Variants in PIAS4 observed in about 807,000 individuals in gnomAD.
The protein encoded by PIAS4 is E3 SUMO-protein ligase PIAS4.
In PIAS4, 7 loss-of-function variants were observed where a neutral mutation model predicts 58.0. That is an observed-to-expected ratio of 0.12 (90% CI 0.07 to 0.23). PIAS4 has a LOEUF of 0.23. Among genes scored for constraint, PIAS4 ranks in the 10% least tolerant of loss-of-function variants. PIAS4 has a pLI of 1.00. For missense variants in PIAS4, 550 were observed against 709.5 expected (o/e 0.78, Z 2.55); for synonymous variants, 364 against 312.4 (o/e 1.17, Z -1.74).
In PIAS4 at chr19:4,028,946, C is replaced by A; in HGVS notation, c.817C>A (p.Leu273Met). The change falls in exon 7 of 11, where the codon CTG becomes ATG. Residue 273 changes from leucine (L) to methionine (M), a missense_variant. By Grantham distance (15) the Leu-to-Met change is conservative. This residue lies in a region of PIAS4 where 225 missense variants were observed against 345.8 expected (regional missense o/e 0.65). Coordinates refer to ENST00000262971, the MANE Select transcript of PIAS4 (RefSeq NM_015897.4). ...GNYGKSYSVALYLVRQLTSSE... is the reference protein window; with the variant it reads ...GNYGKSYSVAMYLVRQLTSSE... ...CTGTCCCCAGAGCTACTCGGTGGCCCTGTACCTGGTGCGGCAGCTGACCTC... is the reference window on the plus strand; with the variant it reads ...CTGTCCCCAGAGCTACTCGGTGGCCATGTACCTGGTGCGGCAGCTGACCTC... 1 of 1,612,112 alleles carries A rather than the reference C, an allele frequency of 6.2e-7. No homozygotes were observed. The highest frequency in any genetic ancestry group is 1.3e-5 in the African/African-American group (1 of 75,002).
intron 2 of PIAS4, among the ~76,000 whole-genome samples, chr19:4,015,984 GAC>G: frequency 6.6e-6 from 1 of 152,328 alleles, no homozygotes; most frequent in Middle Eastern, 3.4e-3. Context: ...CGTGTGTGGG[GAC>G]GGGGCTGGCA....
chr19:4,017,409 A>G (rs554606419), intron 2 of PIAS4, among the ~76,000 whole-genome samples: 5 of 152,086 alleles, frequency 3.3e-5, no homozygotes, highest in Non-Finnish European at 4.4e-5. Flanking sequence ...GTTTTCACTG[A>G]TGGGTAGAGT....
chr19:4,033,172 C>T lies in PIAS4; in HGVS notation c.980C>T (p.Pro327Leu). ...GGTGTGCGGGTGTCCCTCATCTGTC[C>T]GGTGAGTCGGGGCGCGGTCCCCTCC... is the stretch of plus-strand genomic sequence containing the variant. ...TTGVRVSLIC[P>L]LVKMRLSVPC... Residue 327 changes from proline (P) to leucine (L), a missense_variant and splice_region_variant, in exon 8 of 11, where the codon CCG (proline) becomes CTG (leucine). This residue lies in a region of PIAS4 where 225 missense variants were observed against 345.8 expected (regional missense o/e 0.65). Coordinates refer to ENST00000262971, the MANE Select transcript of PIAS4 (RefSeq NM_015897.4). 1 of 1,608,484 alleles carries T rather than the reference C, an allele frequency of 6.2e-7. No homozygotes were observed. The highest frequency in any genetic ancestry group is 8.5e-7 in the Non-Finnish European group (1 of 1,178,926).
intron 1 of PIAS4, 58 bp downstream of exon 1, chr19:4,007,845 C>A: frequency 4.2e-6 from 5 of 1,180,164 alleles, no homozygotes; most frequent in Non-Finnish European, 5.3e-6. Context: ...GGGGGCCGGG[C>A]CGCAGGTCGA....
chr19:4,035,750 C>T (rs2040268564), intron 9 of PIAS4, among the ~76,000 whole-genome samples: 3 of 149,672 alleles, frequency 2.0e-5, no homozygotes, highest in African/African-American at 7.5e-5. Flanking sequence ...CAGTCCACAC[C>T]ATCACACACA....
intron 2 of PIAS4, among the ~76,000 whole-genome samples, chr19:4,017,335 G>T (rs747235288): frequency 2.0e-5 from 3 of 152,122 alleles, no homozygotes; most frequent in Non-Finnish European, 4.4e-5. Context: ...CAACCTGCCC[G>T]CTGGCTGCAG....
intron 1 of PIAS4, among the ~76,000 whole-genome samples, chr19:4,011,862 TGGTGTGGAGCTGTGG>T (rs2039997482): frequency 1.1e-5 from 1 of 92,724 alleles, no homozygotes; most frequent in African/African-American, 4.0e-5. Context: ...GAGGTGTGTT[TGGTGTGGAGCTGTGG>T]GGTGTGGAGG....
chr19:4,014,252 T>C (rs1411213074), intron 2 of PIAS4, among the ~76,000 whole-genome samples: 3 of 152,156 alleles, frequency 2.0e-5, no homozygotes, highest in African/African-American at 7.2e-5. Context: ...AGGAACTGTG[T>C]GTCAGGACCT....
intron 3 of PIAS4, among the ~76,000 whole-genome samples, chr19:4,027,527 C>T (rs981366544): frequency 2.0e-5 from 3 of 148,466 alleles, no homozygotes; most frequent in Admixed American, 6.7e-5. Flanking sequence ...CTTCTGGGGG[C>T]GTTTCTTGTT....
At chr19:4,024,430 C>T (rs2040142300) in intron 3 of PIAS4, among the ~76,000 whole-genome samples, 1 of 152,232 alleles carries the variant, frequency 6.6e-6, no homozygotes, top group African/African-American at 2.4e-5. Context: ...AGGAGCATTC[C>T]TCGCCTCCAC....
At position 4,039,371 on chromosome 19, in the gene PIAS4, G is replaced by A. The variant is rs769961613; in HGVS notation, c.*1496G>A. The stretch of plus-strand genomic sequence containing the variant: ...GTTTTTAAAAAATGCAAATAAAAAA[G>A]GTCGAGGTGAAGCCATCCAGGCGTC... On this transcript the variant is annotated 3_prime_UTR_variant, in exon 11 of 11. Coordinates refer to ENST00000262971, the MANE Select transcript of PIAS4 (RefSeq NM_015897.4). 6.6e-6 allele frequency: 1 copy of A among 152,212 alleles called. No individual in the cohort carries two copies. The highest frequency in any genetic ancestry group is 2.4e-5 in the African/African-American group (1 of 41,454). The allele number at this position is 152,212 out of a possible 1,614,324, so 9.4% of individuals were successfully genotyped here.
In PIAS4 at chr19:4,037,467, G is replaced by A. The variant is rs561362100; in HGVS notation, c.1236G>A (p.Glu412=). 3.1e-6 allele frequency: 5 copies of A among 1,611,550 alleles called. No individual in the cohort carries two copies. The Admixed American group carries it at 6.7e-5, about 22-fold the overall frequency. Residue 412 remains glutamate, a synonymous_variant, in exon 10 of 11, where the codon GAG becomes GAA. Coordinates refer to ENST00000262971, the MANE Select transcript of PIAS4 (RefSeq NM_015897.4). This position sits in a 1 kb window ranked among gnomAD's most constrained non-coding sequence, Gnocchi z 5.8. The part of the protein sequence containing the change: ...GSWCPIRAEK[E]RSCSPQGAIL... ...GGTGCCCGATCCGCGCCGAAAAGGAGCGCAGCTGCAGCCCGCAGGGCGCCA... is the reference window on the plus strand; with the variant it reads ...GGTGCCCGATCCGCGCCGAAAAGGAACGCAGCTGCAGCCCGCAGGGCGCCA...
At chr19:4,019,966 G>T (rs1195956163) in intron 2 of PIAS4, among the ~76,000 whole-genome samples, 1 of 151,716 alleles carries the variant, frequency 6.6e-6, no homozygotes, top group African/African-American at 2.4e-5. Context: ...GCCCGGGCTG[G>T]AGTGCAGCGG....
intron 2 of PIAS4, chr19:4,018,791 G>A (rs1390919543): frequency 1.3e-5 from 2 of 152,298 alleles, no homozygotes; most frequent in South Asian, 2.1e-4. Flanking sequence ...GGTGCTCAGC[G>A]AAGGCTTTCC....
intron 4 of PIAS4, 52 bp from the exon 5 acceptor site, chr19:4,028,458 A>G: frequency 7.5e-7 from 1 of 1,334,560 alleles, no homozygotes; most frequent in Non-Finnish European, 1.1e-6. Context: ...GCAGCAGCCT[A>G]GTCCCTCCTG....
intron 2 of PIAS4, among the ~76,000 whole-genome samples, chr19:4,019,650 C>G (rs571794419): frequency 6.6e-6 from 1 of 152,226 alleles, no homozygotes; most frequent in African/African-American, 2.4e-5. Context: ...GACCTGGGCG[C>G]GTCTGCAGGT....
At chr19:4,027,044 G>A (rs1053400148) in intron 3 of PIAS4, among the ~76,000 whole-genome samples, 1 of 151,872 alleles carries the variant, frequency 6.6e-6, no homozygotes, top group African/African-American at 2.4e-5. Flanking sequence ...AGTAGAGACG[G>A]GGTTTCACCA....
chr19:4,037,334 G>GGGGGGGGGGGTTTGGGGGGGGGGGGGGC lies in PIAS4; in HGVS notation c.1143-40_1143-39insGGGGGGGGGGTTTGGGGGGGGGGGGGGC. ...AGGGCTGGGGAGTTGGGGGGGTGGG[G>GGGGGGGGGGGTTTGGGGGGGGGGGGGGC]CACCTCCAGCCCCGGCGTCAGCTGT... is the stretch of plus-strand genomic sequence containing the variant. On this transcript the variant is annotated intron_variant, in intron 9 of 10. Transcript: ENST00000262971. The surrounding 1 kb of genome is among the most constrained non-coding windows in gnomAD (Gnocchi z 5.8). 1 of 1,511,354 alleles carries GGGGGGGGGGGTTTGGGGGGGGGGGGGGC rather than the reference G, an allele frequency of 6.6e-7. No individual in the cohort carries two copies. The allele number at this position is 1,511,354 out of a possible 1,614,324, so 93.6% of individuals were successfully genotyped here.
intron 2 of PIAS4, among the ~76,000 whole-genome samples, chr19:4,022,275 T>C (rs2040117496): frequency 6.6e-6 from 1 of 152,206 alleles, no homozygotes; most frequent in Non-Finnish European, 1.5e-5. Context: ...CTTTCATTTC[T>C]GATATTGGTA....
Sources: gnomAD v4.1 joint callset for allele counts (sites outside exome capture counted in the v4.1 genomes callset) on GRCh38, gnomAD v4.1.1 for gene constraint, gnomAD v4.1.1 regional missense constraint, Gnocchi (gnomAD v3.1) non-coding constraint, MANE v1.5 for transcripts, NCBI Gene and HGNC (gene_info 2026-07-23, HGNC 2026-07-21) for gene names.